LIMA1: variants seen among roughly 807,000 people sequenced by gnomAD.
LIMA1 encodes the protein LIM domain and actin-binding protein 1.
In LIMA1, 52 loss-of-function variants were observed where a neutral mutation model predicts 62.6. The observed-to-expected ratio is 0.83, with a 90% CI of 0.67 to 1.05. The LOEUF (loss-of-function observed/expected upper bound fraction) is 1.05, where lower values mean the gene tolerates loss of function less well. Ranked by LOEUF, LIMA1 falls within the 50% of genes least tolerant of loss-of-function variation. The pLI, the probability that LIMA1 is intolerant of heterozygous loss-of-function variation, is 0.00. For missense variants in LIMA1, 780 were observed against 902.2 expected (o/e 0.86, Z 1.74); for synonymous variants, 302 against 317.8 (o/e 0.95, Z 0.53).
At chr12:50,253,191 G>A (rs1460284531) in intron 1 of LIMA1, among the ~76,000 whole-genome samples, 1 of 152,132 alleles carries the variant, frequency 6.6e-6, no homozygotes, top group African/African-American at 2.4e-5. Context: ...CACATGTTGA[G>A]ACATACATGT....
At chr12:50,258,723 C>T (rs1023926915) in intron 1 of LIMA1, among the ~76,000 whole-genome samples, 3 of 142,992 alleles carry the variant, frequency 2.1e-5, no homozygotes, top group Non-Finnish European at 4.5e-5. Flanking sequence ...TCTCGGCTCA[C>T]TGCAACCTCT....
chr12:50,212,813 TTTTA>T (rs1941280678), intron 4 of LIMA1, among the ~76,000 whole-genome samples: 1 of 152,044 alleles, frequency 6.6e-6, no homozygotes, highest in African/African-American at 2.4e-5. Context: ...ATCTTTTTAA[TTTTA>T]TTTTTTATTT....
intron 1 of LIMA1, among the ~76,000 whole-genome samples, chr12:50,261,954 G>A (rs1360268435): frequency 2.0e-5 from 3 of 152,114 alleles, no homozygotes; most frequent in Non-Finnish European, 4.4e-5. Context: ...TAATTTTTTG[G>A]ATTCAGCTAT....
At chr12:50,264,587 C>T (rs1033993811) in intron 1 of LIMA1, among the ~76,000 whole-genome samples, 1 of 152,160 alleles carries the variant, frequency 6.6e-6, no homozygotes, top group Non-Finnish European at 1.5e-5. Flanking sequence ...GGCAACCTCT[C>T]TGTACTTTAC....
chr12:50,215,626 C>T (rs1433214679), intron 4 of LIMA1, among the ~76,000 whole-genome samples: 3 of 152,000 alleles, frequency 2.0e-5, no homozygotes, highest in Admixed American at 6.5e-5. Flanking sequence ...CCCGCCACCA[C>T]GCCCGGCTAA....
intron 3 of LIMA1, among the ~76,000 whole-genome samples, chr12:50,227,373 G>A (rs1031324998): frequency 6.6e-6 from 1 of 151,400 alleles, no homozygotes; most frequent in Non-Finnish European, 1.5e-5. Context: ...CGAGTAGCTG[G>A]GATTACAGGC....
intron 3 of LIMA1, among the ~76,000 whole-genome samples, chr12:50,230,315 C>T (rs1941590590): frequency 6.6e-6 from 1 of 152,152 alleles, no homozygotes; most frequent in South Asian, 2.1e-4. Context: ...GGATTATAGG[C>T]GTGAGCCACC....
intron 7 of LIMA1, among the ~76,000 whole-genome samples, chr12:50,197,951 T>G (rs1401793678): frequency 6.6e-6 from 1 of 152,316 alleles, no homozygotes; most frequent in South Asian, 2.1e-4. Flanking sequence ...ATGTGCCTCA[T>G]GGGCTAATGC....
intron 1 of LIMA1, among the ~76,000 whole-genome samples, chr12:50,257,543 A>G (rs1942012581): frequency 6.6e-6 from 1 of 152,184 alleles, no homozygotes; most frequent in African/African-American, 2.4e-5. Context: ...CAGTAATATG[A>G]ACCTGTGATC....
intron 1 of LIMA1, among the ~76,000 whole-genome samples, chr12:50,249,318 T>C (rs1297709863): frequency 6.6e-6 from 1 of 152,204 alleles, no homozygotes; most frequent in African/African-American, 2.4e-5. Context: ...ACCTTGAACA[T>C]ATTATGTAAT....
chr12:50,268,262 C>T (rs1439347773), intron 1 of LIMA1, among the ~76,000 whole-genome samples: 2 of 152,150 alleles, frequency 1.3e-5, no homozygotes, highest in Admixed American at 6.5e-5. Flanking sequence ...AGAAGCCTGA[C>T]GGACACTGAC....
intron 7 of LIMA1, chr12:50,196,149 C>T: frequency 2.6e-6 from 1 of 386,570 alleles, no homozygotes; most frequent in Non-Finnish European, 4.6e-6. Flanking sequence ...TGTGCATCAT[C>T]TCCCTTTATA....
intron 4 of LIMA1, among the ~76,000 whole-genome samples, chr12:50,215,755 G>A (rs967291320): frequency 6.6e-6 from 1 of 151,888 alleles, no homozygotes; most frequent in African/African-American, 2.4e-5. Context: ...TTACAGGCGC[G>A]AGCCACCGCG....
chr12:50,178,966 A>ATTTTTTTTTT (rs1555203081), intron 10 of LIMA1, among the ~76,000 whole-genome samples: 2 of 128,930 alleles, frequency 1.6e-5, no homozygotes, highest in Non-Finnish European at 3.5e-5. Context: ...ATATATATAT[A>ATTTTTTTTTT]TTTTTTTTTT....
At chr12:50,194,659 TG>T (rs766690448) in intron 8 of LIMA1, among the ~76,000 whole-genome samples, 6 of 152,176 alleles carry the variant, frequency 3.9e-5, no homozygotes, top group Non-Finnish European at 8.8e-5. Flanking sequence ...CTCAACACTT[TG>T]AGAGGCTGCG....
intron 4 of LIMA1, among the ~76,000 whole-genome samples, chr12:50,211,464 G>A (rs1269126252): frequency 1.3e-5 from 2 of 148,322 alleles, no homozygotes; most frequent in Admixed American, 6.8e-5. Flanking sequence ...GCAACATGGT[G>A]AGACCCTGTC....
chr12:50,195,923 G>T, intron 7 of LIMA1, 36 bp from the exon 8 acceptor site: 1 of 1,532,076 alleles, frequency 6.5e-7, no homozygotes, highest in South Asian at 1.2e-5. Context: ...GTTAGAGGGG[G>T]ATTAAGAGTC....
At chr12:50,254,780 C>T (rs1249229385) in intron 1 of LIMA1, among the ~76,000 whole-genome samples, 2 of 152,142 alleles carry the variant, frequency 1.3e-5, no homozygotes, top group Non-Finnish European at 2.9e-5. Context: ...ACAAAAACAG[C>T]CGGGCGCGGT....
At chr12:50,278,089 A>G (rs1942295763) in intron 1 of LIMA1, among the ~76,000 whole-genome samples, 1 of 151,582 alleles carries the variant, frequency 6.6e-6, no homozygotes, top group African/African-American at 2.4e-5. Context: ...CAGCCTGATC[A>G]ACAGGGTGAA....
Sources: gnomAD v4.1 joint callset for allele counts (sites outside exome capture counted in the v4.1 genomes callset) on GRCh38, gnomAD v4.1.1 for gene constraint, MANE v1.5 for transcripts, NCBI Gene and HGNC (gene_info 2026-07-23, HGNC 2026-07-21) for gene names.